OGT: variants seen among roughly 807,000 people sequenced by gnomAD.
OGT encodes UDP-N-acetylglucosamine--peptide N-acetylglucosaminyltransferase 110 kDa subunit.
OGT carries 3 observed loss-of-function variants against 75.8 expected under a neutral mutation model. The ratio of observed to expected loss-of-function variants is 0.04; its 90% CI spans 0.02 to 0.10. The LOEUF (loss-of-function observed/expected upper bound fraction) is 0.10, where lower values mean the gene tolerates loss of function less well. OGT is among the 10% of genes least tolerant of loss of function. The pLI is 1.00. For missense variants in OGT, 260 were observed against 824.4 expected (o/e 0.32, Z 8.38); for synonymous variants, 257 against 289.7 (o/e 0.89, Z 1.15).
intron 14 of OGT, among the ~76,000 whole-genome samples, chrX:71,560,431 G>A (rs2040375377): frequency 9.0e-6 from 1 of 110,949 alleles, no homozygotes; most frequent in Non-Finnish European, 1.9e-5. Context: ...ACCTATGGGG[G>A]AATTAATTTG....
chrX:71,563,269 C>G (rs368085733), intron 17 of OGT, 23 bp downstream of exon 17: 3 of 1,198,489 alleles, frequency 2.5e-6, no homozygotes, highest in Non-Finnish European at 3.4e-6. Flanking sequence ...TCAGTATTGT[C>G]ATTGAAATAA....
intron 7 of OGT, chrX:71,555,697 TG>T: frequency 2.5e-6 from 1 of 402,240 alleles, no homozygotes; most frequent in Non-Finnish European, 4.3e-6. Flanking sequence ...CACTCCAGCC[TG>T]GGCAACAGAG....
In OGT at chrX:71,559,393, A is replaced by G. The variant is rs752544579; in HGVS notation, c.1729A>G (p.Ile577Val). The change falls in exon 13 of 22, where the codon ATT becomes GTT. Residue 577 changes from isoleucine (I) to valine (V), a missense_variant. Around this residue, in one of 6 missense-constraint regions of OGT, gnomAD observed 99 missense variants for 417.9 expected, o/e 0.24. Coordinates refer to ENST00000373719, the MANE Select transcript of OGT (RefSeq NM_181672.3). ...NHPTSHLMQS[I>V]PGMHNPDKFE... ...TCCTACTTCTCACCTTATGCAGTCT[A>G]TTCCAGGCATGCACAATCCTGATAA... 3 of 1,210,748 alleles carry G rather than the reference A, an allele frequency of 2.5e-6. No homozygotes were observed. The highest frequency in any genetic ancestry group is 3.4e-6 in the Non-Finnish European group (3 of 894,800).
chrX:71,565,520 C>T (rs2147691868), intron 19 of OGT, among the ~76,000 whole-genome samples: 1 of 111,959 alleles, frequency 8.9e-6, no homozygotes, highest in East Asian at 2.8e-4. Flanking sequence ...TGAGCCACCG[C>T]ACCTGGCCTT....
chrX:71,567,162 T>C (rs1455170397), intron 19 of OGT, among the ~76,000 whole-genome samples: 1 of 112,390 alleles, frequency 8.9e-6, no homozygotes, highest in Non-Finnish European at 1.9e-5. Context: ...TAGGCAAGTG[T>C]GAGGTAACTT....
intron 19 of OGT, among the ~76,000 whole-genome samples, chrX:71,565,980 C>T (rs1376940710): frequency 8.9e-6 from 1 of 112,521 alleles, no homozygotes; most frequent in Non-Finnish European, 1.9e-5. Context: ...ATGATTATCT[C>T]TCAGTTCATC....
At chrX:71,554,655 T>C (rs113251812) in intron 6 of OGT, 63 bp downstream of exon 6, 24 of 882,058 alleles carry the variant, frequency 2.7e-5, no homozygotes, top group African/African-American at 1.4e-4. Context: ...CTTGACAGTT[T>C]GGACCGAAAT....
At chrX:71,569,594 G>A (rs2040439930) in intron 21 of OGT, among the ~76,000 whole-genome samples, 1 of 110,242 alleles carries the variant, frequency 9.1e-6, no homozygotes, top group Non-Finnish European at 1.9e-5. Context: ...GGGCTCAGGT[G>A]ATCCTCCCAC....
chrX:71,571,542 G>A (rs1279971014), intron 21 of OGT, among the ~76,000 whole-genome samples: 2 of 111,965 alleles, frequency 1.8e-5, no homozygotes, highest in Non-Finnish European at 3.8e-5. Flanking sequence ...GGAAATACAA[G>A]CATGAGCCAC....
At position 71,534,052 on chromosome X, in the gene OGT, G is replaced by A. The variant is rs1170374549; in HGVS notation, c.37+716G>A. Among the ~76,000 whole-genome samples, 5 of 110,823 alleles carry A rather than the reference G, an allele frequency of 4.5e-5. No individual in the cohort carries two copies. The Admixed American group carries it at 4.8e-4, about 11-fold the overall frequency. On this transcript the variant is annotated intron_variant, in intron 1 of 21. Transcript: ENST00000373719. ...AGCCTGGATTTCCCACCCTGTCCGC[G>A]GGGAACCACACCCTTCCCTTCGCGA...
At chrX:71,533,409 C>A in intron 1 of OGT, 73 bp downstream of exon 1, 1 of 890,077 alleles carries the variant, frequency 1.1e-6, no homozygotes, top group Admixed American at 2.6e-5. Flanking sequence ...TGTATCACTC[C>A]TTCCCTCCCT....
At position 71,562,018 on chromosome X, in the gene OGT, AT is replaced by A. The variant is rs2040388032; in HGVS notation, c.1977+125del. On this transcript the variant is annotated intron_variant, in intron 15 of 21. Coordinates refer to ENST00000373719, the MANE Select transcript of OGT (RefSeq NM_181672.3). The stretch of plus-strand genomic sequence containing the variant: ...AAACTGTAGGGCAGACATACTTTTA[AT>A]TTTTTTAAGTTGTTGAAATGCACAG... The A allele has an allele frequency of 8.0e-6, 6 of 748,766 alleles. No individual in the cohort carries two copies. In the Admixed American group the frequency reaches 1.5e-4, roughly 19 times the overall value. 61.7% of individuals were successfully genotyped at this position (748,766 alleles called of 1,213,427 possible).
chrX:71,555,134 T>TGTGTGTG (rs2040333446), intron 6 of OGT, 56 bp from the exon 7 acceptor site: 1 of 409,814 alleles, frequency 2.4e-6, no homozygotes, highest in East Asian at 5.9e-5. Flanking sequence ...GAGTTACATT[T>TGTGTGTG]TGTGTGTGTG....
At position 71,533,200 on chromosome X, in the gene OGT, G is replaced by T. The variant is rs779315827; in HGVS notation, c.-100G>T. The T allele has an allele frequency of 7.1e-6, 6 of 850,954 alleles. No homozygotes were observed. In the South Asian group the frequency reaches 1.3e-4, roughly 19 times the overall value. 70.1% of individuals were successfully genotyped at this position (850,954 alleles called of 1,213,427 possible). On this transcript the variant is annotated 5_prime_UTR_variant, in exon 1 of 22. Coordinates refer to ENST00000373719, the MANE Select transcript of OGT (RefSeq NM_181672.3). ...CTCAAGCCCTCCAGAGCATTGCTAC[G>T]GCTGCTGCCCTTGTACTACTACCTC...
At chrX:71,567,469 T>C in intron 19 of OGT, 31 bp from the exon 20 acceptor site, 1 of 1,099,212 alleles carries the variant, frequency 9.1e-7, no homozygotes, top group South Asian at 2.5e-5. Flanking sequence ...AGATCTGCTA[T>C]TAATAATTAT....
chrX:71,539,430 TCCTCCTG>T (rs1199479282), intron 3 of OGT, among the ~76,000 whole-genome samples: 2 of 111,728 alleles, frequency 1.8e-5, no homozygotes, highest in African/African-American at 6.5e-5. Context: ...GCTCAAGCAG[TCCTCCTG>T]CCTCAGCCTC....
chrX:71,555,443 C>T lies in OGT; in HGVS notation c.924+58C>T, dbSNP rs935833227. 3 of 1,043,859 alleles carry T rather than the reference C, an allele frequency of 2.9e-6. No homozygotes were observed. The African/African-American group carries it at 5.5e-5, about 19-fold the overall frequency. 86.0% of individuals were successfully genotyped at this position (1,043,859 alleles called of 1,213,427 possible). A position where few individuals can be genotyped will look rare whatever the true frequency, so the allele number is the denominator to read the frequency against. On this transcript the variant is annotated intron_variant, in intron 7 of 21. Transcript: ENST00000373719. ...GGTAGGATTAAGAGTCTTTTCTGGCCAGGTGTGGTGGCTCACACTTGTAAT... is the reference window on the plus strand; with the variant it reads ...GGTAGGATTAAGAGTCTTTTCTGGCTAGGTGTGGTGGCTCACACTTGTAAT...
In OGT at chrX:71,559,302, A is replaced by T; in HGVS notation, c.1638A>T (p.Pro546=). 1 of 1,210,436 alleles carries T rather than the reference A, an allele frequency of 8.3e-7. No individual in the cohort carries two copies. The highest frequency in any genetic ancestry group is 3.0e-5 in the East Asian group (1 of 33,855). ...TTCATAAACCACCATATGAACATCC[A>T]AAAGACTTGAAGCTCAGTGATGGTC... The part of the protein sequence containing the change: ...NVLHKPPYEH[P]KDLKLSDGRL... The change falls in exon 13 of 22, where the codon CCA becomes CCT. Residue 546 remains proline, a synonymous_variant. Coordinates refer to ENST00000373719, the MANE Select transcript of OGT (RefSeq NM_181672.3).
At chrX:71,557,936 AT>A (rs1274664627) in intron 12 of OGT, among the ~76,000 whole-genome samples, 1 of 108,416 alleles carries the variant, frequency 9.2e-6, no homozygotes, top group East Asian at 2.9e-4. Context: ...GAAAGCCATA[AT>A]TTTTTTTTCT....
Sources: allele counts gnomAD v4.1 joint callset (sites outside exome capture counted in the v4.1 genomes callset), GRCh38; gene constraint gnomAD v4.1.1; regional missense constraint gnomAD v4.1.1; transcripts MANE v1.5; gene names NCBI Gene and HGNC (gene_info 2026-07-23, HGNC 2026-07-21).